GARRE1: variants seen among roughly 807,000 people sequenced by gnomAD.
GARRE1 encodes granule associated Rac and RHOG effector 1, also known as granule associated Rac and RHOG effector protein 1.
In GARRE1, 49 loss-of-function variants were observed where a neutral mutation model predicts 103.2. The ratio of observed to expected loss-of-function variants is 0.47; its 90% CI spans 0.38 to 0.60. The LOEUF (loss-of-function observed/expected upper bound fraction) is 0.60, where lower values mean the gene tolerates loss of function less well. Ranked by LOEUF, GARRE1 falls within the 20% of genes least tolerant of loss-of-function variation. The pLI, the probability that GARRE1 is intolerant of heterozygous loss-of-function variation, is 0.00. For synonymous variants in GARRE1, 505 were observed against 532.8 expected, an observed-to-expected ratio of 0.95 and a Z score of 0.72; for missense variants, 1,199 against 1,370.5, an observed-to-expected ratio of 0.87 and a Z score of 1.98.
At chr19:34,322,559 G>A (rs1307093734) in intron 3 of GARRE1, among the ~76,000 whole-genome samples, 1 of 152,076 alleles carries the variant, frequency 6.6e-6, no homozygotes, top group African/African-American at 2.4e-5. Flanking sequence ...GAGACTTTAG[G>A]ACTTACTGCT....
rs894824065 is a variant in GARRE1, at chr19:34,353,068, GCC to G, written c.*116_*117del. ...CACCAGCCCCTCAGAGGACCAGTGC[GCC>G]CCATCCCAGGGAGGGTTCCTTGGGG... On this transcript the variant is annotated 3_prime_UTR_variant, in exon 14 of 14. Transcript: ENST00000299505. 1 of 1,018,400 alleles carries G rather than the reference GCC, an allele frequency of 9.8e-7. No homozygotes were observed. Among genetic ancestry groups the G allele is most frequent in the African/African-American group, 1.6e-5 (1 of 62,904 alleles). 63.1% of individuals were successfully genotyped at this position (1,018,400 alleles called of 1,614,324 possible).
chr19:34,334,602 G>C (rs2074152195), intron 8 of GARRE1, among the ~76,000 whole-genome samples: 1 of 151,750 alleles, frequency 6.6e-6, no homozygotes, highest in Non-Finnish European at 1.5e-5. Context: ...AGGAAGCTGA[G>C]GCACAAGAAT....
In GARRE1 at chr19:34,341,634, A is replaced by G. The variant is rs2074185814; in HGVS notation, c.1700A>G (p.Asn567Ser). Residue 567 changes from asparagine to serine, a missense_variant, in exon 10 of 14, where the codon AAC (asparagine) becomes AGC (serine). Physicochemically the swap from Asn to Ser is conservative, Grantham distance 46. Transcript: ENST00000299505. ...TCCATCCAAAATACCCCTTCCAAAA[A>G]CATCTTCATAGCTGGATGTTCCGAA... ...NYSIQNTPSK[N>S]IFIAGCSEEK... The G allele has an allele frequency of 6.2e-7, 1 of 1,614,038 alleles. No homozygotes were observed. Among genetic ancestry groups the G allele is most frequent in the South Asian group, 1.1e-5 (1 of 91,084 alleles).
At chr19:34,335,863 C>G (rs1166435757) in intron 8 of GARRE1, among the ~76,000 whole-genome samples, 1 of 152,042 alleles carries the variant, frequency 6.6e-6, no homozygotes, top group Non-Finnish European at 1.5e-5. Flanking sequence ...ATAGTAGATT[C>G]TGTCAAAAGT....
intron 1 of GARRE1, among the ~76,000 whole-genome samples, chr19:34,296,825 T>C (rs1354613544): frequency 6.6e-6 from 1 of 152,064 alleles, no homozygotes; most frequent in South Asian, 2.1e-4. Context: ...TGTTTTATTT[T>C]TGGGGACAGA....
intron 1 of GARRE1, among the ~76,000 whole-genome samples, chr19:34,255,908 C>T (rs1221621242): frequency 2.0e-5 from 3 of 151,866 alleles, no homozygotes; most frequent in Non-Finnish European, 4.4e-5. Context: ...GTGGCGGGAT[C>T]TAGATTAACT....
rs371219240 is a variant in GARRE1, at chr19:34,342,185, C to T, written c.2251C>T (p.Arg751Trp). ...IGPQQPPPQP[R>W]APGKWVHGSS... The stretch of plus-strand genomic sequence containing the variant: ...ACCGCAGCAGCCCCCGCCCCAGCCT[C>T]GGGCACCTGGGAAATGGGTACATGG... The change falls in exon 10 of 14, where the codon CGG becomes TGG. Residue 751 changes from arginine to tryptophan, a missense_variant. Transcript: ENST00000299505. 6.2e-6 allele frequency: 10 copies of T among 1,614,090 alleles called. No homozygotes were observed. In the African/African-American group the frequency reaches 9.3e-5, roughly 15 times the overall value.
chr19:34,344,744 C>T (rs1015475056), intron 10 of GARRE1, among the ~76,000 whole-genome samples: 50 of 152,038 alleles, frequency 3.3e-4, no homozygotes, highest in Non-Finnish European at 2.9e-5. Flanking sequence ...GCGATCCCCA[C>T]TTACTTGCAA....
intron 12 of GARRE1, among the ~76,000 whole-genome samples, chr19:34,351,196 C>CAA (rs776416030): frequency 1.1e-3 from 55 of 52,084 alleles, no homozygotes; most frequent in African/African-American, 6.2e-3. Flanking sequence ...GACTCAGTCT[C>CAA]AAAAAAAAAA....
At chr19:34,304,892 C>T (rs1346163944) in intron 2 of GARRE1, among the ~76,000 whole-genome samples, 2 of 151,130 alleles carry the variant, frequency 1.3e-5, no homozygotes, top group Admixed American at 6.6e-5. Flanking sequence ...CCCAGGTTCA[C>T]GCTGTTCTCC....
chr19:34,291,091 A>G (rs1018990823), intron 1 of GARRE1, among the ~76,000 whole-genome samples: 4 of 151,742 alleles, frequency 2.6e-5, no homozygotes, highest in African/African-American at 9.7e-5. Context: ...ATTTTTTAGT[A>G]GATACGAGCT....
chr19:34,295,159 A>G (rs891151865), intron 1 of GARRE1, among the ~76,000 whole-genome samples: 35 of 152,352 alleles, frequency 2.3e-4, no homozygotes, highest in African/African-American at 7.9e-4. Context: ...GCTGTAGCCC[A>G]GTTCTGCTTC....
At chr19:34,337,376 G>C (rs1408750252) in intron 8 of GARRE1, among the ~76,000 whole-genome samples, 1 of 152,168 alleles carries the variant, frequency 6.6e-6, no homozygotes, top group South Asian at 2.1e-4. Flanking sequence ...GCCATTATAT[G>C]ATAGAGAATA....
chr19:34,302,473 T>C (rs566317021), intron 2 of GARRE1, among the ~76,000 whole-genome samples: 21 of 151,454 alleles, frequency 1.4e-4, no homozygotes, highest in Non-Finnish European at 2.2e-4. Context: ...TTTGTATTTT[T>C]AGTAGAGACA....
intron 10 of GARRE1, among the ~76,000 whole-genome samples, chr19:34,343,536 C>T (rs569980506): frequency 1.3e-5 from 2 of 152,222 alleles, no homozygotes; most frequent in South Asian, 4.2e-4. Flanking sequence ...ATAGGCATTA[C>T]AAAATTATAC....
At chr19:34,332,386 C>A (rs1046794122) in intron 7 of GARRE1, among the ~76,000 whole-genome samples, 3 of 151,994 alleles carry the variant, frequency 2.0e-5, no homozygotes, top group Non-Finnish European at 4.4e-5. Context: ...AATGAGTTCC[C>A]CTGAAAGGAG....
intron 6 of GARRE1, among the ~76,000 whole-genome samples, chr19:34,329,091 G>A (rs374130933): frequency 1.3e-5 from 2 of 152,204 alleles, no homozygotes; most frequent in African/African-American, 4.8e-5. Flanking sequence ...TCCAGTCATT[G>A]TGCCAGGTGC....
chr19:34,327,350 G>T, intron 3 of GARRE1, 71 bp from the exon 4 acceptor site: 1 of 1,391,220 alleles, frequency 7.2e-7, no homozygotes, highest in Non-Finnish European at 1.0e-6. Context: ...TCTTGTTGTT[G>T]TTATTGTTGG....
At chr19:34,349,291 G>T in intron 12 of GARRE1, 138 bp downstream of exon 12, 1 of 852,594 alleles carries the variant, frequency 1.2e-6, no homozygotes, top group Non-Finnish European at 1.8e-6. Flanking sequence ...AGCAATGCCT[G>T]GCTGAAGCCT....
Sources: allele counts gnomAD v4.1 joint callset (sites outside exome capture counted in the v4.1 genomes callset), GRCh38; gene constraint gnomAD v4.1.1; transcripts MANE v1.5; gene names NCBI Gene and HGNC (gene_info 2026-07-23, HGNC 2026-07-21).